MTO1: variants seen among roughly 807,000 people sequenced by gnomAD.
MTO1 encodes mitochondrial tRNA translation optimization 1, also known as 5-taurinomethyluridine-[tRNA] synthase subunit MTO1, mitochondrial.
MTO1 carries 46 observed loss-of-function variants against 71.6 expected under a neutral mutation model. The ratio of observed to expected loss-of-function variants is 0.64; its 90% CI spans 0.51 to 0.82. MTO1 has a LOEUF of 0.82. MTO1 is among the 40% of genes least tolerant of loss of function. MTO1 has a pLI of 0.00. For synonymous variants in MTO1, 297 were observed against 312.1 expected, an observed-to-expected ratio of 0.95 and a Z score of 0.51; for missense variants, 773 against 867.5, an observed-to-expected ratio of 0.89 and a Z score of 1.37.
In MTO1 at chr6:73,462,023, C is replaced by G. The variant is rs1196482567; in HGVS notation, c.169C>G (p.Arg57Gly). The change falls in exon 1 of 12, where the codon CGG becomes GGG. Residue 57 changes from arginine to glycine, a missense_variant. Physicochemically the swap from Arg to Gly is moderately radical, Grantham distance 125. Coordinates refer to ENST00000498286, the MANE Select transcript of MTO1 (RefSeq NM_012123.4). Reference protein sequence around the residue: ...AGTEAATAAARCGSRTLLLTH... With the variant: ...AGTEAATAAAGCGSRTLLLTH... Reference sequence around the variant, plus strand: ...GACTGAGGCAGCCACCGCCGCCGCTCGGTGCGGCTCTCGGACTCTGCTCCT... The same window carrying G: ...GACTGAGGCAGCCACCGCCGCCGCTGGGTGCGGCTCTCGGACTCTGCTCCT... 1 of 1,614,062 alleles carries G rather than the reference C, an allele frequency of 6.2e-7. No individual in the cohort carries two copies. The highest frequency in any genetic ancestry group is 8.5e-7 in the Non-Finnish European group (1 of 1,179,988).
chr6:73,496,851 G>A (rs537304385), intron 10 of MTO1, among the ~76,000 whole-genome samples: 1 of 151,858 alleles, frequency 6.6e-6, no homozygotes, highest in East Asian at 1.9e-4. Context: ...TCAGGAGTTC[G>A]AGACCAGCCT....
At chr6:73,492,996 T>TGTGTA (rs1256517671) in intron 10 of MTO1, among the ~76,000 whole-genome samples, 611 of 5,800 alleles carry the variant, frequency 0.11, 2 homozygotes, top group Non-Finnish European at 0.18. Flanking sequence ...GTGTGTGTAT[T>TGTGTA]TTTTTTTTTT....
rs541213180 is a variant in MTO1, at chr6:73,505,814, G to C, written c.*5079G>C. ...GATCCGCCCACCTCGACCTCCCAAA[G>C]TGCTGGGATTACAGGGGTGAGCCAC... On this transcript the variant is annotated 3_prime_UTR_variant, in exon 12 of 12. Transcript: ENST00000498286. 6.6e-6 allele frequency: 1 copy of C among 152,104 alleles called. No individual in the cohort carries two copies. The highest frequency in any genetic ancestry group is 1.5e-5 in the Non-Finnish European group (1 of 68,040). The allele number at this position is 152,104 out of a possible 1,614,324, so 9.4% of individuals were successfully genotyped here. A position where few individuals can be genotyped will look rare whatever the true frequency, so the allele number is the denominator to read the frequency against.
chr6:73,467,796 TTATC>T (rs1171178914), intron 3 of MTO1, among the ~76,000 whole-genome samples: 3 of 151,938 alleles, frequency 2.0e-5, no homozygotes, highest in African/African-American at 4.8e-5. Context: ...GTTCTAGACA[TTATC>T]TATTAACTTT....
intron 10 of MTO1, 131 bp from the exon 11 acceptor site, chr6:73,497,605 C>G (rs1772024905): frequency 1.2e-6 from 1 of 863,292 alleles, no homozygotes; most frequent in Non-Finnish European, 1.7e-6. Context: ...CCCAACCCAT[C>G]TCATGAAATG....
chr6:73,494,519 C>T (rs1771927565), intron 10 of MTO1, among the ~76,000 whole-genome samples: 1 of 150,826 alleles, frequency 6.6e-6, no homozygotes, highest in Non-Finnish European at 1.5e-5. Flanking sequence ...CTTTGTCGCC[C>T]AGGCTGGATT....
rs1582703689 is a variant in MTO1 at position 73,500,044 on chromosome 6, G to C, written c.1918-530G>C. Among the ~76,000 whole-genome samples the C allele has an allele frequency of 2.0e-5, 3 of 152,190 alleles. No individual in the cohort carries two copies. The East Asian group carries it at 5.8e-4, about 29-fold the overall frequency. On this transcript the variant is annotated intron_variant, in intron 11 of 11. Coordinates refer to ENST00000498286, the MANE Select transcript of MTO1 (RefSeq NM_012123.4). ...AGAGAGGGGCTTACTCTGTCACCCA[G>C]GCTGGAGTGCAGTGGCATAATCACA...
intron 1 of MTO1, chr6:73,462,319 CG>C (rs1561937375): frequency 1.8e-6 from 1 of 557,906 alleles, no homozygotes; most frequent in Non-Finnish European, 3.2e-6. Context: ...GGTTGGGGTT[CG>C]GGGTCAGTGC....
intron 11 of MTO1, among the ~76,000 whole-genome samples, chr6:73,499,937 A>G (rs1251523274): frequency 6.6e-6 from 1 of 152,260 alleles, no homozygotes; most frequent in Non-Finnish European, 1.5e-5. Context: ...AGGCTGTTAC[A>G]TTAGGTACCG....
Position 73,466,259 on chromosome 6 carries a change from A to G in MTO1, c.268A>G (p.Met90Val). Residue 90 changes from methionine (M) to valine (V), a missense_variant, in exon 2 of 12, where the codon ATG (methionine) becomes GTG (valine). Transcript: ENST00000498286. ...SFGGIGKGHLMREVDALDGLC... is the reference protein window; with the variant it reads ...SFGGIGKGHLVREVDALDGLC... ...TGGTGGCATCGGAAAGGGACATTTA[A>G]TGAGGGAAGTAGATGCCTTGGATGG... is the stretch of plus-strand genomic sequence containing the variant. 2 of 1,614,100 alleles carry G rather than the reference A, an allele frequency of 1.2e-6. No individual in the cohort carries two copies. Among genetic ancestry groups the G allele is most frequent in the Non-Finnish European group, 1.7e-6 (2 of 1,179,968 alleles).
In MTO1 at chr6:73,473,575, A is replaced by AT. The variant is rs766224324; in HGVS notation, c.749dup (p.Ser251GlnfsTer20). 1 of 1,613,912 alleles carries AT rather than the reference A, an allele frequency of 6.2e-7. No individual in the cohort carries two copies. The highest frequency in any genetic ancestry group is 1.6e-4 in the Middle Eastern group (1 of 6,084). On this transcript the variant is annotated frameshift_variant, in exon 4 of 12. Coordinates refer to ENST00000498286, the MANE Select transcript of MTO1 (RefSeq NM_012123.4). LOFTEE classifies it high-confidence loss of function. ...CCCCGAATTGCCAAAGAGTCCATTAATTTCAGTATTCTAAACAAGCATATA... is the reference window on the plus strand; with the variant it reads ...CCCCGAATTGCCAAAGAGTCCATTAATTTTCAGTATTCTAAACAAGCATATA...
Position 73,500,722 on chromosome 6 carries a change from A to T in MTO1, c.2066A>T (p.Glu689Val). The T allele has an allele frequency of 6.3e-7, 1 of 1,594,042 alleles. No homozygotes were observed. Among genetic ancestry groups the T allele is most frequent in the Non-Finnish European group, 8.5e-7 (1 of 1,170,888 alleles). ...TTATGTGATGCAGACAGACTTCAAG[A>T]GAGAGAGTTATAGCTTTCAATTCAT... ...QYLCDADRLQ[E>V]REL is the part of the protein sequence containing the mutation. Residue 689 changes from glutamate to valine, a missense_variant, in exon 12 of 12, where the codon GAG becomes GTG. Physicochemically the swap from Glu to Val is moderately radical, Grantham distance 121. Coordinates refer to ENST00000498286, the MANE Select transcript of MTO1 (RefSeq NM_012123.4).
rs1772235127 is a variant in MTO1, at chr6:73,504,450, T to C, written c.*3715T>C. 6.6e-6 allele frequency: 1 copy of C among 152,220 alleles called. No homozygotes were observed. The highest frequency in any genetic ancestry group is 2.4e-5 in the African/African-American group (1 of 41,452). The allele number at this position is 152,220 out of a possible 1,614,324, so 9.4% of individuals were successfully genotyped here. A position where few individuals can be genotyped will look rare whatever the true frequency, so the allele number is the denominator to read the frequency against. On this transcript the variant is annotated 3_prime_UTR_variant, in exon 12 of 12. Coordinates refer to ENST00000498286, the MANE Select transcript of MTO1 (RefSeq NM_012123.4). ...GCCTGGCCCTACCTTAATGTTAATA[T>C]CTGTCTACCTTAAGAAGATATAAGC...
chr6:73,482,338 G>A, intron 8 of MTO1, 94 bp downstream of exon 8: 1 of 1,555,992 alleles, frequency 6.4e-7, no homozygotes, highest in South Asian at 1.1e-5. Context: ...AGGATCACTT[G>A]AGGCCAGGAG....
Position 73,480,824 on chromosome 6 carries a change from A to C in MTO1, c.1260+19A>C. The C allele has an allele frequency of 6.2e-7, 1 of 1,612,760 alleles. No homozygotes were observed. Among genetic ancestry groups the C allele is most frequent in the South Asian group, 1.1e-5 (1 of 90,990 alleles). On this transcript the variant is annotated intron_variant, in intron 7 of 11. Transcript: ENST00000498286. The stretch of plus-strand genomic sequence containing the variant: ...AGCTCAAGTAAGAAGTTAAGATATT[A>C]ATGTAAACTGAAAGGGACTATTTAA...
Position 73,504,035 on chromosome 6 carries a change from A to G in MTO1, c.*3300A>G, listed in dbSNP as rs1772226305. The G allele has an allele frequency of 6.6e-6, 1 of 152,224 alleles. No homozygotes were observed. The highest frequency in any genetic ancestry group is 1.5e-5 in the Non-Finnish European group (1 of 68,040). The allele number at this position is 152,224 out of a possible 1,614,324, so 9.4% of individuals were successfully genotyped here. A position where few individuals can be genotyped will look rare whatever the true frequency, so the allele number is the denominator to read the frequency against. On this transcript the variant is annotated 3_prime_UTR_variant, in exon 12 of 12. Transcript: ENST00000498286. Reference sequence around the variant, plus strand: ...GACTAGGGGTTTATTCTGATCTGGAAGAGCCACTTAACACTGGAATGCACA... The same window carrying G: ...GACTAGGGGTTTATTCTGATCTGGAGGAGCCACTTAACACTGGAATGCACA...
In MTO1 at chr6:73,479,953, A is replaced by G. The variant is rs376396609; in HGVS notation, c.956A>G (p.Glu319Gly). The change falls in exon 6 of 12, where the codon GAA becomes GGA. Residue 319 changes from glutamate to glycine, a missense_variant. Transcript: ENST00000498286. ...TATTCTAGATACTGTCCCTCCATTG[A>G]ATCAAAAGTTTTGCGTTTTCCAAAC... is the stretch of plus-strand genomic sequence containing the variant. ...TRGPRYCPSI[E>G]SKVLRFPNRL... is the part of the protein sequence containing the mutation. 4.3e-6 allele frequency: 7 copies of G among 1,612,690 alleles called. No homozygotes were observed. Among genetic ancestry groups the G allele is most frequent in the Middle Eastern group, 1.7e-4 (1 of 6,054 alleles).
At position 73,497,872 on chromosome 6, in the gene MTO1, A is replaced by G. The variant is rs1301682680; in HGVS notation, c.1893A>G (p.Lys631=). ...DVSLSHEVRE[K]LHFSRPQTIG... ...CTTTGTCCCATGAAGTTCGAGAGAA[A>G]CTACATTTTAGTCGTCCACAGACGG... The change falls in exon 11 of 12, where the codon AAA becomes AAG. Residue 631 remains lysine, a synonymous_variant. Transcript: ENST00000498286. The G allele has an allele frequency of 2.5e-6, 4 of 1,612,786 alleles. No individual in the cohort carries two copies. The highest frequency in any genetic ancestry group is 3.4e-6 in the Non-Finnish European group (4 of 1,179,000).
At chr6:73,466,946 T>TTA (rs199668630) in intron 3 of MTO1, among the ~76,000 whole-genome samples, 2 of 152,128 alleles carry the variant, frequency 1.3e-5, no homozygotes, top group Non-Finnish European at 2.9e-5. Flanking sequence ...TTTTAACAGC[T>TTA]TATATATATT....
Sources: gnomAD v4.1 joint callset for allele counts (sites outside exome capture counted in the v4.1 genomes callset) on GRCh38, gnomAD v4.1.1 for gene constraint, MANE v1.5 for transcripts, NCBI Gene and HGNC (gene_info 2026-07-23, HGNC 2026-07-21) for gene names.